OSBPL1A: variants seen among roughly 807,000 people sequenced by gnomAD.
The protein encoded by OSBPL1A is oxysterol binding protein like 1A.
A neutral mutation model predicts 137.1 loss-of-function variants in OSBPL1A; 80 were observed. The ratio of observed to expected loss-of-function variants is 0.58; its 90% CI spans 0.49 to 0.70. The LOEUF is 0.70. Among genes scored for constraint, OSBPL1A ranks in the 30% least tolerant of loss-of-function variants. The pLI is 0.00. For missense variants in OSBPL1A, 970 were observed against 1,129.4 expected (o/e 0.86, Z 2.02); for synonymous variants, 365 against 389.7 (o/e 0.94, Z 0.75).
intron 21 of OSBPL1A, among the ~76,000 whole-genome samples, chr18:24,177,263 G>T (rs2086474771): frequency 6.6e-6 from 1 of 152,178 alleles, no homozygotes; most frequent in Non-Finnish European, 1.5e-5. Context: ...TCTACTTCCT[G>T]CAAGGGTATC....
intron 4 of OSBPL1A, among the ~76,000 whole-genome samples, chr18:24,342,112 T>G (rs1266104534): frequency 6.6e-6 from 1 of 152,226 alleles, no homozygotes; most frequent in East Asian, 1.9e-4. Context: ...TCTAAAGTGA[T>G]ATACCATTAT....
chr18:24,353,771 A>C (rs891521073), intron 4 of OSBPL1A, among the ~76,000 whole-genome samples: 2 of 152,026 alleles, frequency 1.3e-5, no homozygotes, highest in Non-Finnish European at 2.9e-5. Context: ...CTTCGTAGGG[A>C]CATGGATGAA....
At chr18:24,283,635 C>A (rs182622134) in intron 14 of OSBPL1A, among the ~76,000 whole-genome samples, 6 of 152,060 alleles carry the variant, frequency 3.9e-5, no homozygotes, top group Admixed American at 3.3e-4. Context: ...GAACTGTGGA[C>A]CGAGGACTGA....
At chr18:24,376,459 G>C (rs185168059) in intron 2 of OSBPL1A, among the ~76,000 whole-genome samples, 42 of 152,320 alleles carry the variant, frequency 2.8e-4, no homozygotes, top group African/African-American at 8.2e-4. Context: ...TACAATCCCT[G>C]GGCTAGACAT....
chr18:24,260,755 T>C (rs1300616001), intron 15 of OSBPL1A, among the ~76,000 whole-genome samples: 3 of 151,428 alleles, frequency 2.0e-5, no homozygotes, highest in African/African-American at 4.9e-5. Flanking sequence ...AATGTATTAA[T>C]GCCACTGAAT....
chr18:24,285,011 G>A (rs1027671941), intron 14 of OSBPL1A, among the ~76,000 whole-genome samples: 1 of 152,110 alleles, frequency 6.6e-6, no homozygotes, highest in Non-Finnish European at 1.5e-5. Flanking sequence ...AATGAGCTAT[G>A]ACCACACCAC....
intron 2 of OSBPL1A, among the ~76,000 whole-genome samples, chr18:24,372,105 T>G (rs682401): frequency 0.082 from 12,418 of 151,654 alleles, 1,717 homozygotes; most frequent in African/African-American, 0.28. Flanking sequence ...TGAAACCCTA[T>G]TTCTACAAAA....
chr18:24,179,962 T>A (rs151076696), intron 19 of OSBPL1A, 127 bp from the exon 20 acceptor site: 1 of 715,216 alleles, frequency 1.4e-6, no homozygotes, highest in East Asian at 2.7e-5. Context: ...ACTTTGGAGT[T>A]TTAATATGGC....
chr18:24,198,674 A>G (rs2087112277), intron 17 of OSBPL1A, among the ~76,000 whole-genome samples: 2 of 151,824 alleles, frequency 1.3e-5, no homozygotes, highest in South Asian at 4.2e-4. Context: ...CGCAGCACAC[A>G]AGCCATGGCT....
chr18:24,271,688 A>G lies in OSBPL1A; in HGVS notation c.1281+9154T>C. 2 of 985,868 alleles carry G rather than the reference A, an allele frequency of 2.0e-6. No individual in the cohort carries two copies. The highest frequency in any genetic ancestry group is 2.4e-6 in the Non-Finnish European group (2 of 830,332). The allele number at this position is 985,868 out of a possible 1,614,324, so 61.1% of individuals were successfully genotyped here. On this transcript the variant is annotated intron_variant, in intron 15 of 27. Coordinates refer to ENST00000319481, the MANE Select transcript of OSBPL1A (RefSeq NM_080597.4). This position sits in a 1 kb window ranked among gnomAD's most constrained non-coding sequence, Gnocchi z 4.0. Reference sequence around the variant, plus strand: ...GCGCTCCTCGCAAGCTCCAGCGCGAATGCGCTCGGCCTGCTCCTCCTCCTC... The same window carrying G: ...GCGCTCCTCGCAAGCTCCAGCGCGAGTGCGCTCGGCCTGCTCCTCCTCCTC...
intron 18 of OSBPL1A, among the ~76,000 whole-genome samples, chr18:24,183,693 C>A (rs963020207): frequency 3.9e-5 from 6 of 152,172 alleles, no homozygotes; most frequent in African/African-American, 1.4e-4. Flanking sequence ...GCCTCAGCCT[C>A]CCAAAGTGCT....
At chr18:24,182,716 G>T (rs1442316670) in intron 18 of OSBPL1A, among the ~76,000 whole-genome samples, 2 of 152,078 alleles carry the variant, frequency 1.3e-5, no homozygotes, top group African/African-American at 4.8e-5. Context: ...GGGAGATGAG[G>T]GAAAACAGGA....
At chr18:24,214,783 CAA>C (rs1372218717) in intron 17 of OSBPL1A, among the ~76,000 whole-genome samples, 3 of 152,178 alleles carry the variant, frequency 2.0e-5, no homozygotes, top group Non-Finnish European at 4.4e-5. Context: ...TACTTCACAA[CAA>C]GAGAAGACAA....
intron 4 of OSBPL1A, among the ~76,000 whole-genome samples, chr18:24,345,393 AG>A (rs1393586882): frequency 6.6e-6 from 1 of 152,216 alleles, no homozygotes; most frequent in Non-Finnish European, 1.5e-5. Flanking sequence ...TCAGGTGTTA[AG>A]GAAGTTGAAA....
At chr18:24,386,740 G>T (rs142945072) in intron 1 of OSBPL1A, among the ~76,000 whole-genome samples, 1 of 152,044 alleles carries the variant, frequency 6.6e-6, no homozygotes, top group African/African-American at 2.4e-5. Context: ...CAGGTGGATC[G>T]CTTGAGCCCA....
Position 24,248,573 on chromosome 18 carries a change from G to A in OSBPL1A, c.1282-9191C>T, listed in dbSNP as rs548107719. ...GATAAGAACTTGTCTGGTTTTTGAC[G>A]TACTGACCATGCTAAAAATAGAATG... On this transcript the variant is annotated intron_variant, in intron 15 of 27. Transcript: ENST00000319481. Among the ~76,000 whole-genome samples, 23 of 152,288 alleles carry A rather than the reference G, an allele frequency of 1.5e-4. No homozygotes were observed. In the South Asian group the frequency reaches 3.1e-3, roughly 21 times the overall value.
rs189127633 is a variant in OSBPL1A, at chr18:24,286,764, A to C, written c.1175-5816T>G. Among the ~76,000 whole-genome samples, 4 of 152,344 alleles carry C rather than the reference A, an allele frequency of 2.6e-5. No homozygotes were observed. In the East Asian group the frequency reaches 7.7e-4, roughly 29 times the overall value. On this transcript the variant is annotated intron_variant, in intron 14 of 27. Transcript: ENST00000319481. Reference sequence around the variant, plus strand: ...ACTAGTCCTGAGGGAAGATAGTTTCAGAATTATGATCAATGAGAACTCTAG... The same window carrying C: ...ACTAGTCCTGAGGGAAGATAGTTTCCGAATTATGATCAATGAGAACTCTAG...
Position 24,328,661 on chromosome 18 carries a change from G to T in OSBPL1A, c.625+4281C>A, listed in dbSNP as rs144735640. The stretch of plus-strand genomic sequence containing the variant: ...GGTGAGGACAACACAGTGAACCAGA[G>T]AGCCTCCAGGACAGTTCATTATGTG... On this transcript the variant is annotated intron_variant, in intron 7 of 27. Transcript: ENST00000319481. 6.0e-3 allele frequency among the ~76,000 whole-genome samples: 907 copies of T among 152,218 alleles called. 7 individuals are homozygous for T. Among genetic ancestry groups the T allele is most frequent in the South Asian group, 0.022 (108 of 4,806 alleles).
At chr18:24,284,078 C>G (rs1443685213) in intron 14 of OSBPL1A, among the ~76,000 whole-genome samples, 1 of 151,980 alleles carries the variant, frequency 6.6e-6, no homozygotes, top group Non-Finnish European at 1.5e-5. Context: ...AATGTTAAAA[C>G]AAGATTTTTG....
Sources: allele counts gnomAD v4.1 joint callset (sites outside exome capture counted in the v4.1 genomes callset), GRCh38; gene constraint gnomAD v4.1.1; non-coding constraint Gnocchi (gnomAD v3.1); transcripts MANE v1.5; gene names NCBI Gene and HGNC (gene_info 2026-07-23, HGNC 2026-07-21).